MYO1H: variants seen among roughly 807,000 people sequenced by gnomAD.
The protein encoded by MYO1H is unconventional myosin-Ih.
A neutral mutation model predicts 149.3 loss-of-function variants in MYO1H; 118 were observed. The ratio of observed to expected loss-of-function variants is 0.79; its 90% CI spans 0.68 to 0.92. MYO1H has a LOEUF of 0.92. MYO1H is among the 40% of genes least tolerant of loss of function. The pLI is 0.00. For synonymous variants in MYO1H, 447 were observed against 465.2 expected, an observed-to-expected ratio of 0.96 and a Z score of 0.50; for missense variants, 1,212 against 1,280.7, an observed-to-expected ratio of 0.95 and a Z score of 0.82.
the MYO1H span, among the ~76,000 whole-genome samples, chr12:109,322,014 G>A: frequency 6.6e-5 from 10 of 152,188 alleles, no homozygotes; most frequent in Non-Finnish European, 1.2e-4. Flanking sequence ...GTCTGAGGCA[G>A]TGATGAGTTA....
chr12:109,345,497 T>C (rs772812664), upstream of MYO1H, among the ~76,000 whole-genome samples: 3 of 152,192 alleles, frequency 2.0e-5, no homozygotes, highest in Non-Finnish European at 2.9e-5. Context: ...GGAAACCTCA[T>C]ACATTCTTGG....
the MYO1H span, among the ~76,000 whole-genome samples, chr12:109,336,896 T>C: frequency 6.6e-6 from 1 of 152,118 alleles, no homozygotes; most frequent in Admixed American, 6.6e-5. Context: ...GGTGCTTCTT[T>C]GAAGCATGGA....
chr12:109,437,307 G>A (rs1317265033), intron 22 of MYO1H, among the ~76,000 whole-genome samples: 1 of 151,974 alleles, frequency 6.6e-6, no homozygotes, highest in African/African-American at 2.4e-5. Flanking sequence ...ATCTATGGGT[G>A]TATCTCTAAA....
At chr12:109,422,731 G>GTAGGTTTAGAACTGCAA (rs1397252456) in intron 16 of MYO1H, among the ~76,000 whole-genome samples, 4 of 152,042 alleles carry the variant, frequency 2.6e-5, no homozygotes, top group Non-Finnish European at 4.4e-5. Context: ...CCATATCACT[G>GTAGGTTTAGAACTGCAA]TAGGTTTAGA....
chr12:109,443,125 C>CATAT lies in MYO1H; in HGVS notation c.2689-389_2689-388insATAT. Among the ~76,000 whole-genome samples, 2 of 37,604 alleles carry CATAT rather than the reference C, an allele frequency of 5.3e-5. 1 individual carries two copies. Among genetic ancestry groups the CATAT allele is most frequent in the African/African-American group, 3.5e-4 (2 of 5,650 alleles). 24.7% of individuals were successfully genotyped at this position (37,604 alleles called of 152,430 possible). On this transcript the variant is annotated intron_variant, in intron 27 of 31. Coordinates refer to ENST00000310903, the Ensembl canonical transcript of MYO1H. ...GTACGTATATGTGTGTATATGTGTA[C>CATAT]GTATATATGTGTGTATATGTGTACG...
rs1870691418 is a variant in MYO1H, at chr12:109,411,880, T to C, written c.1411-14T>C. On this transcript the variant is annotated splice_polypyrimidine_tract_variant and intron_variant, in intron 13 of 31. Transcript: ENST00000310903. The stretch of plus-strand genomic sequence containing the variant: ...GTGGTGCTGTGGATTGAGGCTTCTC[T>C]TTTTCTTTTGAAGGATGAAGAATGC... 1 of 1,587,084 alleles carries C rather than the reference T, an allele frequency of 6.3e-7. No homozygotes were observed. The highest frequency in any genetic ancestry group is 8.6e-7 in the Non-Finnish European group (1 of 1,165,552).
the MYO1H span, among the ~76,000 whole-genome samples, chr12:109,341,189 GAAAAAA>G: frequency 1.0e-5 from 1 of 96,104 alleles, no homozygotes; most frequent in Non-Finnish European, 2.2e-5. Context: ...ACTCCATCTC[GAAAAAA>G]AAAAAAAAAA....
the MYO1H span, among the ~76,000 whole-genome samples, chr12:109,324,013 GAAA>G: frequency 2.0e-4 from 28 of 141,832 alleles, no homozygotes; most frequent in South Asian, 6.8e-4. Flanking sequence ...CCTGACTCAA[GAAA>G]AAAAAAAAAA....
chr12:109,426,596 T>C (rs1871360294), intron 18 of MYO1H, among the ~76,000 whole-genome samples: 1 of 152,114 alleles, frequency 6.6e-6, no homozygotes, highest in African/African-American at 2.4e-5. Context: ...CAGAGGTTGT[T>C]CAGTTTCAGG....
At chr12:109,318,985 T>TTTTTTG in the MYO1H span, among the ~76,000 whole-genome samples, 30 of 146,416 alleles carry the variant, frequency 2.0e-4, no homozygotes, top group African/African-American at 6.9e-4. Context: ...TTTTTTTTTT[T>TTTTTTG]TTTTTTTTTG....
chr12:109,437,933 C>G (rs1374529508), intron 22 of MYO1H, among the ~76,000 whole-genome samples: 1 of 150,254 alleles, frequency 6.7e-6, no homozygotes, highest in Non-Finnish European at 1.5e-5. Context: ...ACTAAAAATA[C>G]AAAAAAAAAT....
intron 1 of MYO1H, among the ~76,000 whole-genome samples, chr12:109,361,304 A>G (rs918086168): frequency 1.3e-5 from 2 of 151,934 alleles, no homozygotes; most frequent in East Asian, 3.9e-4. Context: ...CACCCCAGAA[A>G]CCCCTCATAT....
chr12:109,371,213 C>CTTTTT (rs34350111), intron 1 of MYO1H, among the ~76,000 whole-genome samples: 30 of 118,330 alleles, frequency 2.5e-4, no homozygotes, highest in Non-Finnish European at 3.3e-4. Context: ...TTTTTTCTTT[C>CTTTTT]TTTTTTTTTT....
chr12:109,313,730 T>C, the MYO1H span, among the ~76,000 whole-genome samples: 1 of 152,238 alleles, frequency 6.6e-6, no homozygotes, highest in Non-Finnish European at 1.5e-5. Context: ...AAGCCTGTTA[T>C]GGACTATGAT....
chr12:109,406,467 TAAAAAAAA>T (rs56744077), intron 8 of MYO1H, among the ~76,000 whole-genome samples: 14 of 43,644 alleles, frequency 3.2e-4, no homozygotes, highest in East Asian at 2.4e-3. Flanking sequence ...CCCTATCTCT[TAAAAAAAA>T]AAAAAAAAAA....
chr12:109,342,254 C>T, the MYO1H span, among the ~76,000 whole-genome samples: 18 of 151,040 alleles, frequency 1.2e-4, no homozygotes, highest in South Asian at 3.8e-3. Flanking sequence ...AAGCAGTTCT[C>T]CTGCCTCAGC....
chr12:109,368,520 G>A (rs1190453492), intron 1 of MYO1H, among the ~76,000 whole-genome samples: 1 of 151,806 alleles, frequency 6.6e-6, no homozygotes, highest in African/African-American at 2.4e-5. Flanking sequence ...GCCAGGTGCA[G>A]TGGCACACAC....
intron 1 of MYO1H, among the ~76,000 whole-genome samples, chr12:109,365,626 T>C (rs1868850575): frequency 6.6e-6 from 1 of 152,172 alleles, no homozygotes. Context: ...GGGTCTTAGA[T>C]AGTTGAGCCT....
At chr12:109,445,707 A>G (rs1197309715) in intron 31 of MYO1H, 95 bp downstream of exon 31, 1 of 1,478,466 alleles carries the variant, frequency 6.8e-7, no homozygotes, top group African/African-American at 1.4e-5. Context: ...GACTGGAATC[A>G]TAAGCTATTA....
Sources: allele counts gnomAD v4.1 joint callset (sites outside exome capture counted in the v4.1 genomes callset), GRCh38; gene constraint gnomAD v4.1.1; transcripts MANE v1.5; gene names NCBI Gene and HGNC (gene_info 2026-07-23, HGNC 2026-07-21).